Variants in HIBADH observed in about 807,000 individuals in gnomAD.
HIBADH encodes the protein 3-hydroxyisobutyrate dehydrogenase, mitochondrial.
In HIBADH, 25 loss-of-function variants were observed where a neutral mutation model predicts 36.1. The ratio of observed to expected loss-of-function variants is 0.69; its 90% CI spans 0.50 to 0.97. HIBADH has a LOEUF of 0.97. Among genes scored for constraint, HIBADH ranks in the 50% least tolerant of loss-of-function variants. The pLI, the probability that HIBADH is intolerant of heterozygous loss-of-function variation, is 0.00. For missense variants in HIBADH, 421 were observed against 418.0 expected, an observed-to-expected ratio of 1.01 and a Z score of -0.06; for synonymous variants, 160 against 149.5, an observed-to-expected ratio of 1.07 and a Z score of -0.51.
intron 6 of HIBADH, among the ~76,000 whole-genome samples, chr7:27,535,904 A>G (rs9639552): frequency 0.76 from 115,853 of 152,012 alleles, 44,665 homozygotes; most frequent in East Asian, 0.94. Flanking sequence ...AAAACCACTG[A>G]CTTAGAATAA....
chr7:27,608,638 C>G (rs1341850271), intron 4 of HIBADH, among the ~76,000 whole-genome samples: 2 of 152,116 alleles, frequency 1.3e-5, no homozygotes, highest in Non-Finnish European at 2.9e-5. Context: ...ACAAACAAAA[C>G]AAAATGAAGA....
intron 4 of HIBADH, among the ~76,000 whole-genome samples, chr7:27,590,356 T>C (rs1784922154): frequency 6.6e-6 from 1 of 152,194 alleles, no homozygotes; most frequent in Non-Finnish European, 1.5e-5. Flanking sequence ...CTTTTCACTA[T>C]ACCTAATGCA....
intron 5 of HIBADH, among the ~76,000 whole-genome samples, chr7:27,540,380 C>G (rs2047471580): frequency 6.6e-6 from 1 of 152,174 alleles, no homozygotes; most frequent in Non-Finnish European, 1.5e-5. Context: ...GCTGTGGTGT[C>G]TATTAGCTCT....
At chr7:27,527,373 TA>T (rs1783919641) in intron 7 of HIBADH, among the ~76,000 whole-genome samples, 1 of 152,080 alleles carries the variant, frequency 6.6e-6, no homozygotes, top group Non-Finnish European at 1.5e-5. Context: ...CAAGATCAGT[TA>T]AGATGTATTT....
chr7:27,617,520 G>T (rs1217884324), intron 4 of HIBADH, among the ~76,000 whole-genome samples: 1 of 152,064 alleles, frequency 6.6e-6, no homozygotes, highest in Non-Finnish European at 1.5e-5. Flanking sequence ...ACCCTCTCCA[G>T]AAAGAAGAGC....
intron 4 of HIBADH, among the ~76,000 whole-genome samples, chr7:27,612,987 T>TTA (rs945149591): frequency 7.3e-6 from 1 of 137,438 alleles, no homozygotes; most frequent in African/African-American, 2.7e-5. Context: ...TATATATATT[T>TTA]TATATATATA....
In HIBADH at chr7:27,525,508, T is replaced by G. The variant is rs561027485; in HGVS notation, c.*706A>C. 5.3e-5 allele frequency: 8 copies of G among 152,268 alleles called. No homozygotes were observed. Among genetic ancestry groups the G allele is most frequent in the African/African-American group, 1.9e-4 (8 of 41,556 alleles). 9.4% of individuals were successfully genotyped at this position (152,268 alleles called of 1,614,324 possible). On this transcript the variant is annotated 3_prime_UTR_variant, in exon 8 of 8. Transcript: ENST00000265395. ...TATATTTATAATAATATAATAATTA[T>G]CTAAAGCAAATATCATCATTGGCTC...
At chr7:27,642,615 T>C (rs1785979127) in intron 2 of HIBADH, among the ~76,000 whole-genome samples, 2 of 151,772 alleles carry the variant, frequency 1.3e-5, no homozygotes, top group African/African-American at 4.8e-5. Flanking sequence ...ATCCTACTTA[T>C]TCTTTCGCTG....
chr7:27,612,690 T>C (rs909201664), intron 4 of HIBADH, among the ~76,000 whole-genome samples: 2 of 151,376 alleles, frequency 1.3e-5, no homozygotes, highest in African/African-American at 4.8e-5. Flanking sequence ...TCCCAGCACT[T>C]TGGGAGGCCA....
intron 1 of HIBADH, among the ~76,000 whole-genome samples, chr7:27,651,344 TAATACACTGGTA>T (rs1786190801): frequency 6.6e-6 from 1 of 151,786 alleles, no homozygotes; most frequent in African/African-American, 2.4e-5. Flanking sequence ...GCGCTAAGTT[TAATACACTGGTA>T]TAATAGTACA....
At chr7:27,533,720 G>A (rs148571562) in intron 6 of HIBADH, among the ~76,000 whole-genome samples, 3 of 152,104 alleles carry the variant, frequency 2.0e-5, no homozygotes, top group African/African-American at 7.2e-5. Flanking sequence ...TGCTTCACTG[G>A]AGAAGACTGA....
chr7:27,569,607 T>TC, intron 4 of HIBADH, among the ~76,000 whole-genome samples: 1 of 152,020 alleles, frequency 6.6e-6, no homozygotes, highest in Non-Finnish European at 1.5e-5. Flanking sequence ...CATCATGCGG[T>TC]CCCTTTATGA....
chr7:27,659,631 G>C (rs1786376666), intron 1 of HIBADH, among the ~76,000 whole-genome samples: 1 of 152,030 alleles, frequency 6.6e-6, no homozygotes, highest in African/African-American at 2.4e-5. Context: ...CTGAGGCAGG[G>C]GGATTGCTTG....
intron 2 of HIBADH, among the ~76,000 whole-genome samples, chr7:27,648,767 T>C (rs1786123134): frequency 6.6e-6 from 1 of 152,214 alleles, no homozygotes; most frequent in South Asian, 2.1e-4. Flanking sequence ...TCCAACATGA[T>C]AAACTCTGGT....
chr7:27,537,032 T>C (rs772646414), intron 6 of HIBADH, among the ~76,000 whole-genome samples: 9 of 152,182 alleles, frequency 5.9e-5, no homozygotes, highest in Admixed American at 2.0e-4. Flanking sequence ...TCCATGAAAT[T>C]AGTCTAGAGA....
chr7:27,633,747 G>A (rs576306561), intron 2 of HIBADH, among the ~76,000 whole-genome samples: 1 of 151,956 alleles, frequency 6.6e-6, no homozygotes, highest in East Asian at 1.9e-4. Flanking sequence ...ATTAAAAAAA[G>A]ACAAAAGACG....
chr7:27,621,462 T>C (rs977010095), intron 4 of HIBADH, among the ~76,000 whole-genome samples: 1 of 152,188 alleles, frequency 6.6e-6, no homozygotes, highest in African/African-American at 2.4e-5. Context: ...AATAGACCTT[T>C]TATTAGGCCA....
At chr7:27,536,019 G>A (rs1784065598) in intron 6 of HIBADH, among the ~76,000 whole-genome samples, 1 of 152,060 alleles carries the variant, frequency 6.6e-6, no homozygotes, top group South Asian at 2.1e-4. Flanking sequence ...GAATATAAAT[G>A]TGGCTACACC....
At chr7:27,598,081 A>G (rs1785060706) in intron 4 of HIBADH, among the ~76,000 whole-genome samples, 1 of 152,192 alleles carries the variant, frequency 6.6e-6, no homozygotes, top group South Asian at 2.1e-4. Flanking sequence ...ATCAATCAAA[A>G]ATTTATTTCC....
Sources: gnomAD v4.1 joint callset for allele counts (sites outside exome capture counted in the v4.1 genomes callset) on GRCh38, gnomAD v4.1.1 for gene constraint, MANE v1.5 for transcripts, NCBI Gene and HGNC (gene_info 2026-07-23, HGNC 2026-07-21) for gene names.